CALN1: variants seen among roughly 807,000 people sequenced by gnomAD.
The protein encoded by CALN1 is calcium-binding protein 8.
CALN1 carries 17 observed loss-of-function variants against 30.6 expected under a neutral mutation model. The ratio of observed to expected loss-of-function variants is 0.56; its 90% CI spans 0.38 to 0.83. The LOEUF (loss-of-function observed/expected upper bound fraction) is 0.83. Among genes scored for constraint, CALN1 ranks in the 40% least tolerant of loss-of-function variants. The probability of loss-of-function intolerance (pLI) is 0.00; values close to 1 mark genes in which losing one functional copy is unlikely to be tolerated. For synonymous variants in CALN1, 156 were observed against 131.4 expected (o/e 1.19, Z -1.28); for missense variants, 291 against 354.9 (o/e 0.82, Z 1.45).
chr7:72,247,556 C>A (rs1230508555), intron 3 of CALN1, among the ~76,000 whole-genome samples: 1 of 152,100 alleles, frequency 6.6e-6, no homozygotes, highest in Non-Finnish European at 1.5e-5. Flanking sequence ...TGCCCGCCCT[C>A]AACAGGCCAT....
the CALN1 span, among the ~76,000 whole-genome samples, chr7:72,499,878 TTTCTTTC>T: frequency 1.4e-5 from 1 of 73,416 alleles, no homozygotes; most frequent in Non-Finnish European, 2.5e-5. Context: ...TCTTTCTTTC[TTTCTTTC>T]TTTCTTTCTT....
chr7:72,120,306 A>C (rs1451054435), intron 3 of CALN1, among the ~76,000 whole-genome samples: 1 of 152,128 alleles, frequency 6.6e-6, no homozygotes, highest in African/African-American at 2.4e-5. Flanking sequence ...CATGCTCTCT[A>C]TATAGCTTTA....
chr7:72,431,262 A>G (rs1437951512), intron 1 of CALN1, among the ~76,000 whole-genome samples: 2 of 152,054 alleles, frequency 1.3e-5, no homozygotes, highest in Non-Finnish European at 2.9e-5. Flanking sequence ...TAATAAAGCT[A>G]TTATTAGTAG....
At chr7:72,098,951 T>C (rs376696118) in intron 4 of CALN1, among the ~76,000 whole-genome samples, 22 of 152,232 alleles carry the variant, frequency 1.4e-4, no homozygotes, top group African/African-American at 5.3e-4. Context: ...GGGAGATGAC[T>C]GTTCCATGTG....
At chr7:71,898,147 T>C (rs1042624603) in intron 5 of CALN1, among the ~76,000 whole-genome samples, 5 of 151,704 alleles carry the variant, frequency 3.3e-5, no homozygotes, top group Non-Finnish European at 5.9e-5. Flanking sequence ...CTGGCCAACA[T>C]GGTGAAACCC....
chr7:72,487,764 TAAAG>T, the CALN1 span, among the ~76,000 whole-genome samples: 12 of 40,260 alleles, frequency 3.0e-4, no homozygotes, highest in Middle Eastern at 0.013. Flanking sequence ...GAAGGAAGGG[TAAAG>T]AAAGAAAGAA....
intron 4 of CALN1, among the ~76,000 whole-genome samples, chr7:72,058,310 C>CTTTTTTTT (rs3065011): frequency 0.027 from 1,927 of 70,770 alleles, 298 homozygotes; most frequent in Non-Finnish European, 0.038. Flanking sequence ...AAGCTGGAAT[C>CTTTTTTTT]TTTTTTTTTT....
chr7:72,335,692 CA>C (rs1801975361), intron 2 of CALN1, among the ~76,000 whole-genome samples: 1 of 152,188 alleles, frequency 6.6e-6, no homozygotes, highest in Non-Finnish European at 1.5e-5. Flanking sequence ...GGCTTCGACC[CA>C]AATGGAAGAA....
At chr7:72,135,114 G>C (rs2867604) in intron 3 of CALN1, among the ~76,000 whole-genome samples, 35,721 of 152,054 alleles carry the variant, frequency 0.23, 5,166 homozygotes, top group East Asian at 0.67. Flanking sequence ...CCCTTCTCTT[G>C]CTATTTCCAC....
intron 5 of CALN1, among the ~76,000 whole-genome samples, chr7:72,017,057 G>T (rs1294042679): frequency 6.8e-6 from 1 of 147,558 alleles, no homozygotes; most frequent in African/African-American, 2.6e-5. Context: ...CCAGCTACTT[G>T]GGAGGCTGAA....
chr7:72,370,840 G>C (rs1804193184), intron 2 of CALN1, among the ~76,000 whole-genome samples: 1 of 152,010 alleles, frequency 6.6e-6, no homozygotes, highest in Non-Finnish European at 1.5e-5. Context: ...GAGGTTAGGA[G>C]TTTGAGACCA....
At chr7:72,055,284 G>A (rs1803181423) in intron 4 of CALN1, among the ~76,000 whole-genome samples, 1 of 152,150 alleles carries the variant, frequency 6.6e-6, no homozygotes, top group African/African-American at 2.4e-5. Flanking sequence ...TCTAACTCCA[G>A]AGTCCATCAT....
At chr7:71,821,782 TTC>T (rs1478393889) in intron 5 of CALN1, among the ~76,000 whole-genome samples, 3 of 139,946 alleles carry the variant, frequency 2.1e-5, no homozygotes, top group Non-Finnish European at 1.5e-5. Context: ...TGCTAAATGT[TTC>T]TTTCTTTTTT....
intron 5 of CALN1, among the ~76,000 whole-genome samples, chr7:71,890,122 G>A (rs1253393479): frequency 1.3e-5 from 2 of 151,968 alleles, no homozygotes; most frequent in African/African-American, 2.4e-5. Flanking sequence ...TTATTTTTTT[G>A]GAGACAAGGT....
At chr7:72,248,242 G>A (rs1795321331) in intron 3 of CALN1, among the ~76,000 whole-genome samples, 2 of 152,150 alleles carry the variant, frequency 1.3e-5, no homozygotes, top group African/African-American at 4.8e-5. Flanking sequence ...AGCCTTCCAA[G>A]TAGCTGGGAT....
intron 5 of CALN1, among the ~76,000 whole-genome samples, chr7:71,875,301 C>G (rs148827370): frequency 6.6e-6 from 1 of 152,040 alleles, no homozygotes; most frequent in African/African-American, 2.4e-5. Context: ...GACAAACCAC[C>G]CTGAAGTATG....
chr7:72,468,124 C>T, the CALN1 span, among the ~76,000 whole-genome samples: 9 of 152,200 alleles, frequency 5.9e-5, no homozygotes, highest in African/African-American at 2.2e-4. Flanking sequence ...GTAAACACCA[C>T]AATTTGTTTA....
intron 6 of CALN1, among the ~76,000 whole-genome samples, chr7:71,788,814 T>C (rs1185183797): frequency 2.6e-5 from 4 of 152,076 alleles, no homozygotes; most frequent in South Asian, 2.1e-4. Flanking sequence ...CCCGCCACCA[T>C]GCCCGGCTAA....
chr7:72,486,816 A>G, the CALN1 span, among the ~76,000 whole-genome samples: 1 of 152,210 alleles, frequency 6.6e-6, no homozygotes, highest in Non-Finnish European at 1.5e-5. Flanking sequence ...TTCAATAAAT[A>G]CTCACTGATT....
Sources: gnomAD v4.1 joint callset for allele counts (sites outside exome capture counted in the v4.1 genomes callset) on GRCh38, gnomAD v4.1.1 for gene constraint, MANE v1.5 for transcripts, NCBI Gene and HGNC (gene_info 2026-07-23, HGNC 2026-07-21) for gene names.